DYM: variants seen among roughly 807,000 people sequenced by gnomAD.
DYM encodes the protein dyggve-Melchior-Clausen syndrome protein.
Under a neutral mutation model 93.1 loss-of-function variants are expected in DYM, and 78 were observed. The ratio of observed to expected loss-of-function variants is 0.84; its 90% CI spans 0.70 to 1.01. The LOEUF is 1.01. Among genes scored for constraint, DYM ranks in the 50% least tolerant of loss-of-function variants. The pLI, the probability that DYM is intolerant of heterozygous loss-of-function variation, is 0.00. For missense variants in DYM, 789 were observed against 845.0 expected, an observed-to-expected ratio of 0.93 and a Z score of 0.82; for synonymous variants, 321 against 319.7, an observed-to-expected ratio of 1.00 and a Z score of -0.04.
At chr18:49,104,098 T>C (rs2080501871) in intron 16 of DYM, among the ~76,000 whole-genome samples, 2 of 152,154 alleles carry the variant, frequency 1.3e-5, no homozygotes, top group South Asian at 4.2e-4. Context: ...TAAGCAGTGG[T>C]TTGTAGTTCT....
chr18:49,260,260 T>C (rs1426007894), intron 11 of DYM, among the ~76,000 whole-genome samples: 1 of 152,172 alleles, frequency 6.6e-6, no homozygotes, highest in Non-Finnish European at 1.5e-5. Flanking sequence ...TACGCCTATA[T>C]AGTCCCAGCT....
intron 10 of DYM, 21 bp from the exon 11 acceptor site, chr18:49,272,324 TTGAC>T (rs770634637): frequency 1.4e-6 from 2 of 1,414,848 alleles, no homozygotes; most frequent in Admixed American, 3.4e-5. Flanking sequence ...AAAATTATAA[TTGAC>T]TATTTCAATA....
chr18:49,423,645 A>C (rs999404844), intron 2 of DYM, among the ~76,000 whole-genome samples: 2 of 152,132 alleles, frequency 1.3e-5, no homozygotes, highest in African/African-American at 4.8e-5. Context: ...TTGATAGACC[A>C]CTAGCAAGAC....
At position 49,426,755 on chromosome 18, in the gene DYM, A is replaced by ACG. The variant is rs201910559; in HGVS notation, c.140+3499_140+3500insCG. ...ACTGCTATTAGTCACACTGGAAAAC[A>ACG]TGTGTGTGTGTGTGTGTGTGTGTGT... On this transcript the variant is annotated intron_variant, in intron 2 of 17. Transcript: ENST00000675505. 2.1e-3 allele frequency among the ~76,000 whole-genome samples: 306 copies of ACG among 147,798 alleles called. 3 individuals are homozygous for ACG. Among genetic ancestry groups the ACG allele is most frequent in the East Asian group, 0.011 (55 of 4,960 alleles).
chr18:49,055,730 C>G (rs2044550), intron 17 of DYM, among the ~76,000 whole-genome samples: 106 of 152,204 alleles, frequency 7.0e-4, no homozygotes, highest in African/African-American at 2.5e-3. Flanking sequence ...GAATGCTAAA[C>G]GAAAGCACAG....
intron 14 of DYM, among the ~76,000 whole-genome samples, chr18:49,194,556 T>TA (rs899461319): frequency 2.0e-5 from 3 of 152,242 alleles, no homozygotes; most frequent in African/African-American, 7.2e-5. Flanking sequence ...TCCAGTTAGT[T>TA]AATAAGTATT....
chr18:49,146,227 C>T (rs914175362), intron 15 of DYM, among the ~76,000 whole-genome samples: 1 of 152,184 alleles, frequency 6.6e-6, no homozygotes, highest in African/African-American at 2.4e-5. Flanking sequence ...GACAAACCCA[C>T]AGCTGATATC....
chr18:49,266,042 C>T (rs921787499), intron 11 of DYM, among the ~76,000 whole-genome samples: 1 of 151,954 alleles, frequency 6.6e-6, no homozygotes, highest in Non-Finnish European at 1.5e-5. Context: ...TGCTTGTAAT[C>T]CCAGCTACTT....
intron 13 of DYM, among the ~76,000 whole-genome samples, chr18:49,233,721 CA>C (rs2144519843): frequency 6.6e-6 from 1 of 152,298 alleles, no homozygotes; most frequent in South Asian, 2.1e-4. Context: ...CACATGGCTG[CA>C]ATTAATAAAG....
chr18:49,336,127 G>A (rs949117949), intron 6 of DYM, among the ~76,000 whole-genome samples: 2 of 152,078 alleles, frequency 1.3e-5, no homozygotes, highest in African/African-American at 4.8e-5. Flanking sequence ...AATGTATTTT[G>A]TCATTGCATC....
rs576619370 is a variant in DYM, at chr18:49,089,018, A to T, written c.2025+8384T>A. ...TTGTTATGTTTTCCAGGCTGGTCTC[A>T]AACTCCTGAGATCAAGTGATCCTCC... is the stretch of plus-strand genomic sequence containing the variant. On this transcript the variant is annotated intron_variant, in intron 17 of 17. Transcript: ENST00000675505. Among the ~76,000 whole-genome samples the T allele has an allele frequency of 2.7e-4, 41 of 152,248 alleles. No homozygotes were observed. In the East Asian group the frequency reaches 4.4e-3, roughly 16 times the overall value.
At chr18:49,393,130 AAGGAAGGAAGGAAGGAAG>A (rs2069588036) in intron 2 of DYM, among the ~76,000 whole-genome samples, 1 of 137,780 alleles carries the variant, frequency 7.3e-6, no homozygotes, top group Non-Finnish European at 1.6e-5. Flanking sequence ...GGAAGGAAGG[AAGGAAGGAAGGAAGGAAG>A]GAAGGAAGGA....
chr18:49,089,010 C>T (rs2078810073), intron 17 of DYM, among the ~76,000 whole-genome samples: 1 of 152,116 alleles, frequency 6.6e-6, no homozygotes, highest in Admixed American at 6.5e-5. Context: ...GTTTTCCAGG[C>T]TGGTCTCAAA....
At chr18:49,178,315 C>G (rs901533348) in intron 14 of DYM, among the ~76,000 whole-genome samples, 13 of 152,050 alleles carry the variant, frequency 8.5e-5, no homozygotes, top group Non-Finnish European at 1.9e-4. Context: ...GCCTCAACAT[C>G]AAAGAAGGAG....
chr18:49,224,781 A>G (rs1430246190), intron 13 of DYM, among the ~76,000 whole-genome samples: 2 of 152,106 alleles, frequency 1.3e-5, no homozygotes, highest in Non-Finnish European at 2.9e-5. Context: ...TAAGCTACCC[A>G]GTATATGCTA....
chr18:49,425,588 A>G (rs1432019879), intron 2 of DYM, among the ~76,000 whole-genome samples: 1 of 152,164 alleles, frequency 6.6e-6, no homozygotes, highest in Non-Finnish European at 1.5e-5. Flanking sequence ...AAAAGAAACT[A>G]CCATCAGAGT....
At chr18:49,064,900 C>G (rs975758105) in intron 17 of DYM, among the ~76,000 whole-genome samples, 1 of 150,544 alleles carries the variant, frequency 6.6e-6, no homozygotes, top group African/African-American at 2.5e-5. Flanking sequence ...AATTTATAGT[C>G]ACTTCATGAC....
rs60775305 is a variant in DYM at position 49,313,462 on chromosome 18, C to CAAAAAAAAAAAAAAAAA, written c.763+18385_763+18401dup. 1.1e-4 allele frequency among the ~76,000 whole-genome samples: 3 copies of CAAAAAAAAAAAAAAAAA among 28,564 alleles called. 1 individual carries two copies. The highest frequency in any genetic ancestry group is 1.9e-4 in the Non-Finnish European group (3 of 15,882). 18.7% of individuals were successfully genotyped at this position (28,564 alleles called of 152,430 possible). A position where few individuals can be genotyped will look rare whatever the true frequency, so the allele number is the denominator to read the frequency against. ...TCGGCAACAGAGCAAGACTCTGTCA[C>CAAAAAAAAAAAAAAAAA]AAAAAAAAAAAAAAAAAAAAAAAAA... is the stretch of plus-strand genomic sequence containing the variant. On this transcript the variant is annotated intron_variant, in intron 8 of 17. Coordinates refer to ENST00000675505, the MANE Select transcript of DYM (RefSeq NM_001353214.3).
At chr18:49,120,318 C>T (rs935834892) in intron 15 of DYM, among the ~76,000 whole-genome samples, 1 of 152,004 alleles carries the variant, frequency 6.6e-6, no homozygotes, top group African/African-American at 2.4e-5. Context: ...AGCACACCAC[C>T]CAACTATATG....
Sources: gnomAD v4.1 joint callset for allele counts (sites outside exome capture counted in the v4.1 genomes callset) on GRCh38, gnomAD v4.1.1 for gene constraint, MANE v1.5 for transcripts, NCBI Gene and HGNC (gene_info 2026-07-23, HGNC 2026-07-21) for gene names.